UGGT1: variants seen among roughly 807,000 people sequenced by gnomAD.
UGGT1 encodes UDP-glucose:glycoprotein glucosyltransferase 1.
A neutral mutation model predicts 203.9 loss-of-function variants in UGGT1; 107 were observed. That is an observed-to-expected ratio of 0.52 (90% confidence interval 0.45 to 0.62). The LOEUF is 0.62. UGGT1 is among the 20% of genes least tolerant of loss of function. The pLI is 0.00. For synonymous variants in UGGT1, 628 were observed against 653.5 expected (o/e 0.96, Z 0.59); for missense variants, 1,673 against 1,867.2 (o/e 0.90, Z 1.92).
rs1251989522 is a variant in UGGT1, at chr2:128,181,021, T to C, written c.4032T>C (p.Asp1344=). The change falls in exon 36 of 41, where the codon GAT becomes GAC. Residue 1344 remains aspartate (D), a synonymous_variant. Transcript: ENST00000259253. ...IIWGYKILFL[D]VLFPLVVDKF... Reference sequence around the variant, plus strand: ...GGGGTTACAAGATCCTCTTCCTGGATGTACTTTTCCCACTAGTTGTTGACA... The same window carrying C: ...GGGGTTACAAGATCCTCTTCCTGGACGTACTTTTCCCACTAGTTGTTGACA... The C allele has an allele frequency of 6.2e-7, 1 of 1,614,118 alleles. No homozygotes were observed. Among genetic ancestry groups the C allele is most frequent in the South Asian group, 1.1e-5 (1 of 91,094 alleles).
At chr2:128,113,348 AAAAT>A (rs1687952492) in intron 6 of UGGT1, 90 bp downstream of exon 6, 1 of 1,093,292 alleles carries the variant, frequency 9.1e-7, no homozygotes, top group Non-Finnish European at 1.2e-6. Context: ...TCTTTATAAA[AAAAT>A]CTAGTTATTT....
In UGGT1 at chr2:128,120,358, A is replaced by T; in HGVS notation, c.875A>T (p.Asp292Val). Residue 292 changes from aspartate (D) to valine (V), a missense_variant and splice_region_variant, in exon 9 of 41, where the codon GAT becomes GTT. By Grantham distance (152) the Asp-to-Val change is radical. Transcript: ENST00000259253. ...ACTGATTTTTATGTTTCTTTTAGAG[A>T]TCTGCACCCCGACCTGGAGGGACAG... ...VQGFLFGKLRDLHPDLEGQLK... is the reference protein window; with the variant it reads ...VQGFLFGKLRVLHPDLEGQLK... 6.2e-7 allele frequency: 1 copy of T among 1,613,104 alleles called. No homozygotes were observed. The highest frequency in any genetic ancestry group is 1.3e-5 in the African/African-American group (1 of 74,954).
At chr2:128,100,018 A>ACCCCCACCC (rs1687295934) in intron 2 of UGGT1, among the ~76,000 whole-genome samples, 1 of 34,914 alleles carries the variant, frequency 2.9e-5, no homozygotes, top group Non-Finnish European at 5.2e-5. Flanking sequence ...GAGATTTACA[A>ACCCCCACCC]CCCCCCCCCC....
intron 6 of UGGT1, among the ~76,000 whole-genome samples, chr2:128,113,590 TTC>T (rs1379414592): frequency 7.9e-5 from 12 of 152,218 alleles, no homozygotes; most frequent in African/African-American, 2.9e-4. Context: ...ACCTTTTTTC[TTC>T]TGTTTTCTCT....
At position 128,189,895 on chromosome 2, in the gene UGGT1, C is replaced by A; in HGVS notation, c.*153C>A. 1.3e-6 allele frequency: 1 copy of A among 757,194 alleles called. No individual in the cohort carries two copies. Among genetic ancestry groups the A allele is most frequent in the Non-Finnish European group, 2.1e-6 (1 of 474,340 alleles). 46.9% of individuals were successfully genotyped at this position (757,194 alleles called of 1,614,324 possible). ...TGAGCATTTGATTCTGACTTCTGTA[C>A]TCTGGTGGCCACTGGATCTTTGGGA... is the stretch of plus-strand genomic sequence containing the variant. On this transcript the variant is annotated 3_prime_UTR_variant, in exon 41 of 41. Coordinates refer to ENST00000259253, the MANE Select transcript of UGGT1 (RefSeq NM_020120.4).
intron 1 of UGGT1, among the ~76,000 whole-genome samples, chr2:128,094,351 A>G (rs1687007850): frequency 6.6e-6 from 1 of 152,172 alleles, no homozygotes; most frequent in Non-Finnish European, 1.5e-5. Context: ...CTATTTAATA[A>G]CGATGATGTA....
Position 128,142,776 on chromosome 2 carries a change from G to A in UGGT1, c.1720-318G>A, listed in dbSNP as rs562658329. On this transcript the variant is annotated intron_variant, in intron 16 of 40. Coordinates refer to ENST00000259253, the MANE Select transcript of UGGT1 (RefSeq NM_020120.4). ...GGCGGGTGGATCACCTGAGGTCAGG[G>A]TTTCAAGACCAGCCTGGCCAACATG... 9.8e-3 allele frequency among the ~76,000 whole-genome samples: 1,480 copies of A among 151,168 alleles called. 13 individuals carry two copies. The highest frequency in any genetic ancestry group is 0.021 in the Middle Eastern group (6 of 288).
intron 8 of UGGT1, among the ~76,000 whole-genome samples, chr2:128,117,985 TG>T (rs1688203520): frequency 2.1e-5 from 3 of 144,484 alleles, no homozygotes; most frequent in Non-Finnish European, 4.5e-5. Flanking sequence ...TGTCTGTGTG[TG>T]TGTGTGTGAG....
chr2:128,160,856 A>C (rs531244226), intron 24 of UGGT1, among the ~76,000 whole-genome samples: 1 of 152,334 alleles, frequency 6.6e-6, no homozygotes, highest in South Asian at 2.1e-4. Context: ...TTTGACACAT[A>C]AAGTAGCCTT....
intron 11 of UGGT1, among the ~76,000 whole-genome samples, chr2:128,125,294 C>T (rs1215722987): frequency 3.3e-5 from 5 of 152,008 alleles, no homozygotes; most frequent in African/African-American, 7.3e-5. Context: ...GGGGTAGCAC[C>T]GACCTCAGGC....
At chr2:128,095,601 A>G (rs1457337497) in intron 1 of UGGT1, among the ~76,000 whole-genome samples, 2 of 151,354 alleles carry the variant, frequency 1.3e-5, no homozygotes, top group East Asian at 3.9e-4. Context: ...CTATCTTCCC[A>G]CCTTAGCCTC....
At chr2:128,186,456 A>G (rs554501345) in intron 38 of UGGT1, among the ~76,000 whole-genome samples, 147 of 152,172 alleles carry the variant, frequency 9.7e-4, no homozygotes, top group Non-Finnish European at 1.5e-3. Context: ...AAAATACAAA[A>G]ATTGGCCAGG....
intron 18 of UGGT1, among the ~76,000 whole-genome samples, chr2:128,150,557 C>T (rs1173539214): frequency 7.7e-6 from 1 of 129,464 alleles, no homozygotes; most frequent in African/African-American, 2.5e-5. Flanking sequence ...AAGACAACTA[C>T]CATGTGTGTG....
intron 11 of UGGT1, among the ~76,000 whole-genome samples, chr2:128,123,756 T>C (rs2105398745): frequency 6.6e-6 from 1 of 152,300 alleles, no homozygotes. Flanking sequence ...GACTGGTTGC[T>C]CTTTATGCCC....
At chr2:128,112,825 T>C (rs2105368659) in intron 5 of UGGT1, among the ~76,000 whole-genome samples, 1 of 152,156 alleles carries the variant, frequency 6.6e-6, no homozygotes, top group East Asian at 1.9e-4. Flanking sequence ...ACAGGCATCA[T>C]GCACTGGACC....
At chr2:128,132,623 C>T (rs1219171774) in intron 13 of UGGT1, among the ~76,000 whole-genome samples, 1 of 152,122 alleles carries the variant, frequency 6.6e-6, no homozygotes, top group Admixed American at 6.5e-5. Context: ...TGACGCTAGT[C>T]CTTTATTGGG....
intron 2 of UGGT1, among the ~76,000 whole-genome samples, chr2:128,099,915 G>A (rs1366275842): frequency 6.6e-6 from 1 of 151,908 alleles, no homozygotes; most frequent in African/African-American, 2.4e-5. Context: ...GCCTGAGCTG[G>A]ACTGCCTGAG....
At chr2:128,180,559 T>A (rs1691641015) in intron 35 of UGGT1, among the ~76,000 whole-genome samples, 2 of 152,314 alleles carry the variant, frequency 1.3e-5, no homozygotes, top group South Asian at 4.1e-4. Context: ...TCAAGCTCAG[T>A]AAATGCCTTA....
At chr2:128,172,919 C>T (rs1019063787) in intron 29 of UGGT1, among the ~76,000 whole-genome samples, 157 bp downstream of exon 29, 1 of 152,072 alleles carries the variant, frequency 6.6e-6, no homozygotes, top group African/African-American at 2.4e-5. Context: ...TAAAATTCTC[C>T]CCATTAACGT....
Sources: gnomAD v4.1 joint callset for allele counts (sites outside exome capture counted in the v4.1 genomes callset) on GRCh38, gnomAD v4.1.1 for gene constraint, MANE v1.5 for transcripts, NCBI Gene and HGNC (gene_info 2026-07-23, HGNC 2026-07-21) for gene names.